WDR25: variants seen among roughly 807,000 people sequenced by gnomAD.
The protein encoded by WDR25 is WD repeat-containing protein 25.
Under a neutral mutation model 47.7 loss-of-function variants are expected in WDR25, and 35 were observed. The ratio of observed to expected loss-of-function variants is 0.73; its 90% CI spans 0.56 to 0.97. The LOEUF is 0.97. WDR25 is among the 50% of genes least tolerant of loss of function. The pLI, the probability that WDR25 is intolerant of heterozygous loss-of-function variation, is 0.00. For missense variants in WDR25, 634 were observed against 704.7 expected, an observed-to-expected ratio of 0.90 and a Z score of 1.14; for synonymous variants, 248 against 278.9, an observed-to-expected ratio of 0.89 and a Z score of 1.10.
In WDR25 at chr14:100,430,151, G is replaced by GGTGTGT. The variant is rs59318813; in HGVS notation, c.823-37841_823-37836dup. Among the ~76,000 whole-genome samples the GGTGTGT allele has an allele frequency of 7.3e-3, 1,074 of 146,878 alleles. 4 individuals are homozygous for GGTGTGT. The highest frequency in any genetic ancestry group is 0.016 in the African/African-American group (640 of 39,896). On this transcript the variant is annotated intron_variant, in intron 2 of 6. Transcript: ENST00000402312. The surrounding 1 kb of genome is among the most constrained non-coding windows in gnomAD (Gnocchi z 4.7). The stretch of plus-strand genomic sequence containing the variant: ...CAAATCTTGCAGACCAAGGGGGCCT[G>GGTGTGT]GTGTGTGTGTGTGTGTGTGTGTGTG...
chr14:100,510,238 C>A (rs1164724669), intron 4 of WDR25, among the ~76,000 whole-genome samples: 1 of 150,936 alleles, frequency 6.6e-6, no homozygotes, highest in Non-Finnish European at 1.5e-5. Context: ...CCACTGCACT[C>A]CAGCCTGGGT....
chr14:100,430,290 C>T lies in WDR25; in HGVS notation c.823-37731C>T, dbSNP rs1898292152. 6.6e-6 allele frequency among the ~76,000 whole-genome samples: 1 copy of T among 151,990 alleles called. No homozygotes were observed. On this transcript the variant is annotated intron_variant, in intron 2 of 6. Coordinates refer to ENST00000402312, the MANE Select transcript of WDR25 (RefSeq NM_001161476.3). This position sits in a 1 kb window ranked among gnomAD's most constrained non-coding sequence, Gnocchi z 4.7. ...CTGCCCAGCCAGTCAGAGTCACCTC[C>T]GGACCTCCTGCTTCCTGATCTCCTC... is the stretch of plus-strand genomic sequence containing the variant.
intron 2 of WDR25, among the ~76,000 whole-genome samples, chr14:100,453,902 TAG>T (rs1899120074): frequency 6.6e-6 from 1 of 152,246 alleles, no homozygotes; most frequent in Non-Finnish European, 1.5e-5. Flanking sequence ...CCTTATTGAA[TAG>T]AGAGAATAAT....
intron 2 of WDR25, among the ~76,000 whole-genome samples, chr14:100,462,662 T>A (rs890712263): frequency 6.6e-6 from 1 of 152,160 alleles, no homozygotes; most frequent in African/African-American, 2.4e-5. Flanking sequence ...ATTTGGGAGT[T>A]CCCCTGGACA....
chr14:100,515,789 C>CTTTTTTTT (rs11301950), intron 4 of WDR25, among the ~76,000 whole-genome samples: 58 of 110,272 alleles, frequency 5.3e-4, no homozygotes, highest in Admixed American at 9.4e-4. Flanking sequence ...CCACACCTTG[C>CTTTTTTTT]TTTTTTTTTT....
rs140060626 is a variant in WDR25, at chr14:100,523,698, G to A, written c.1102-2172G>A. Among the ~76,000 whole-genome samples the A allele has an allele frequency of 6.6e-6, 1 of 152,100 alleles. No homozygotes were observed. Among genetic ancestry groups the A allele is most frequent in the South Asian group, 2.1e-4 (1 of 4,820 alleles). On this transcript the variant is annotated intron_variant, in intron 4 of 6. Transcript: ENST00000402312. The surrounding 1 kb of genome is among the most constrained non-coding windows in gnomAD (Gnocchi z 4.7). ...CATCCCCCAGGTTTGCTGGTGGGCC[G>A]AGTGGTGGGCAGATTGTAGGGACAT...
chr14:100,518,577 T>C (rs762297032), intron 4 of WDR25, among the ~76,000 whole-genome samples: 4 of 152,176 alleles, frequency 2.6e-5, no homozygotes, highest in Admixed American at 2.6e-4. Flanking sequence ...GGTACTGCTG[T>C]CTTCACCTTC....
At chr14:100,390,972 T>G (rs1897131761) in intron 2 of WDR25, among the ~76,000 whole-genome samples, 1 of 152,252 alleles carries the variant, frequency 6.6e-6, no homozygotes, top group Non-Finnish European at 1.5e-5. Context: ...TTTGTTATCC[T>G]GATTCTTGTC....
At chr14:100,514,877 C>T (rs1239751667) in intron 4 of WDR25, among the ~76,000 whole-genome samples, 1 of 152,020 alleles carries the variant, frequency 6.6e-6, no homozygotes, top group East Asian at 1.9e-4. Context: ...TTTAACATTT[C>T]CTGTATTTTT....
chr14:100,394,278 A>G (rs1897209242), intron 2 of WDR25, among the ~76,000 whole-genome samples: 1 of 152,186 alleles, frequency 6.6e-6, no homozygotes, highest in South Asian at 2.1e-4. Flanking sequence ...CTTGTCTTCC[A>G]GTCCAGCAGT....
At chr14:100,396,861 A>T (rs1031698623) in intron 2 of WDR25, among the ~76,000 whole-genome samples, 1 of 152,204 alleles carries the variant, frequency 6.6e-6, no homozygotes, top group Non-Finnish European at 1.5e-5. Flanking sequence ...CTGTAACAAT[A>T]CCTATCTCAC....
intron 4 of WDR25, among the ~76,000 whole-genome samples, chr14:100,522,512 T>G (rs1335790172): frequency 6.6e-6 from 1 of 152,226 alleles, no homozygotes; most frequent in Admixed American, 6.5e-5. Flanking sequence ...ATCTTGGCAC[T>G]GGAAGAAGAC....
At chr14:100,420,742 T>G (rs992542633) in intron 2 of WDR25, among the ~76,000 whole-genome samples, 4 of 151,632 alleles carry the variant, frequency 2.6e-5, no homozygotes, top group African/African-American at 9.7e-5. Context: ...TAGCTAGGAG[T>G]GTATGAGGCT....
intron 4 of WDR25, among the ~76,000 whole-genome samples, chr14:100,516,299 T>C (rs1270876327): frequency 6.6e-6 from 1 of 152,192 alleles, no homozygotes; most frequent in Non-Finnish European, 1.5e-5. Context: ...TTCAAGGTTT[T>C]CCCCCTCTGA....
rs1187558265 is a variant in WDR25, at chr14:100,523,079, C to G, written c.1102-2791C>G. Among the ~76,000 whole-genome samples, 2 of 152,252 alleles carry G rather than the reference C, an allele frequency of 1.3e-5. No individual in the cohort carries two copies. The highest frequency in any genetic ancestry group is 1.5e-5 in the Non-Finnish European group (1 of 68,042). On this transcript the variant is annotated intron_variant, in intron 4 of 6. Transcript: ENST00000402312. This position sits in a 1 kb window ranked among gnomAD's most constrained non-coding sequence, Gnocchi z 4.7. ...AAGGCTTTTGTGTGTTGCCTCAGCC[C>G]TGCATGCCAGGATGTTGCTGGGAGC...
chr14:100,478,962 T>A (rs1464920584), intron 3 of WDR25, among the ~76,000 whole-genome samples: 1 of 152,200 alleles, frequency 6.6e-6, no homozygotes, highest in African/African-American at 2.4e-5. Context: ...CCTTTTGGAT[T>A]TAAGGATTGG....
chr14:100,390,930 C>T (rs1566886206), intron 2 of WDR25, among the ~76,000 whole-genome samples: 1 of 152,174 alleles, frequency 6.6e-6, no homozygotes, highest in Non-Finnish European at 1.5e-5. Context: ...TCTTTTAGAA[C>T]GGGCCGGCAC....
chr14:100,380,279 C>T (rs1896848638), intron 1 of WDR25, among the ~76,000 whole-genome samples: 1 of 151,926 alleles, frequency 6.6e-6, no homozygotes, highest in South Asian at 2.1e-4. Context: ...AACTCCTCAC[C>T]TCAAGTGATC....
At chr14:100,454,339 G>A in intron 2 of WDR25, 1 of 1,275,364 alleles carries the variant, frequency 7.8e-7, no homozygotes, top group Non-Finnish European at 1.0e-6. Context: ...CTGAGGTAAT[G>A]GGGTAATGGA....
Sources: allele counts gnomAD v4.1 joint callset (sites outside exome capture counted in the v4.1 genomes callset), GRCh38; gene constraint gnomAD v4.1.1; non-coding constraint Gnocchi (gnomAD v3.1); transcripts MANE v1.5; gene names NCBI Gene and HGNC (gene_info 2026-07-23, HGNC 2026-07-21).